The following DSCAM variants were observed in gnomAD, a reference collection of about 807,000 sequenced individuals.
DSCAM encodes DS cell adhesion molecule.
DSCAM carries 47 observed loss-of-function variants against 217.7 expected under a neutral mutation model. That is an observed-to-expected ratio of 0.22 (90% CI 0.17 to 0.28). DSCAM has a LOEUF of 0.28. DSCAM is among the 10% of genes least tolerant of loss of function. The probability of loss-of-function intolerance (pLI) is 1.00; values close to 1 mark genes in which losing one functional copy is unlikely to be tolerated. For synonymous variants in DSCAM, 1,056 were observed against 1,015.3 expected (o/e 1.04, Z -0.76); for missense variants, 2,080 against 2,618.3 (o/e 0.79, Z 4.49).
chr21:40,363,849 C>T (rs967786737), intron 4 of DSCAM, among the ~76,000 whole-genome samples: 1 of 152,072 alleles, frequency 6.6e-6, no homozygotes, highest in African/African-American at 2.4e-5. Flanking sequence ...CAAACAACAC[C>T]ATCAACAAGT....
At chr21:40,606,927 A>C (rs2010911) in intron 3 of DSCAM, among the ~76,000 whole-genome samples, 141,745 of 152,274 alleles carry the variant, frequency 0.93, 66,083 homozygotes, top group African/African-American at 0.98. Context: ...AGTTTCCCTG[A>C]ACAAGCTCTG....
chr21:40,545,100 T>C (rs1159234566), intron 3 of DSCAM, among the ~76,000 whole-genome samples: 1 of 152,128 alleles, frequency 6.6e-6, no homozygotes, highest in African/African-American at 2.4e-5. Context: ...AGTGCCCTTA[T>C]GAAAAGACAT....
intron 20 of DSCAM, among the ~76,000 whole-genome samples, chr21:40,095,117 G>C (rs970700046): frequency 6.6e-6 from 1 of 152,228 alleles, no homozygotes; most frequent in Non-Finnish European, 1.5e-5. Flanking sequence ...AAGGTGAAAG[G>C]CATGTCTTAC....
intron 3 of DSCAM, among the ~76,000 whole-genome samples, chr21:40,514,862 G>A (rs1384202768): frequency 6.6e-6 from 1 of 152,160 alleles, no homozygotes; most frequent in African/African-American, 2.4e-5. Flanking sequence ...TTGATTTAGA[G>A]TATAAAGATG....
At chr21:40,570,686 G>T (rs1010626627) in intron 3 of DSCAM, among the ~76,000 whole-genome samples, 3 of 152,144 alleles carry the variant, frequency 2.0e-5, no homozygotes, top group African/African-American at 4.8e-5. Context: ...GGAAGCAAAC[G>T]GTGAAAGCAA....
At chr21:40,470,563 G>A (rs1048037290) in intron 3 of DSCAM, among the ~76,000 whole-genome samples, 1 of 152,122 alleles carries the variant, frequency 6.6e-6, no homozygotes, top group Non-Finnish European at 1.5e-5. Flanking sequence ...TTGTTTATTA[G>A]GTTTTTGAGA....
rs527273281 is a variant in DSCAM at position 40,465,835 on chromosome 21, A to G, written c.509-96590T>C. ...TCTTGAAATACTTGAGAAAGCAACA[A>G]TGACCCCTTGTTCTGACAACTTGTT... On this transcript the variant is annotated intron_variant, in intron 3 of 32. Transcript: ENST00000400454. Among the ~76,000 whole-genome samples the G allele has an allele frequency of 6.6e-5, 10 of 152,202 alleles. No individual in the cohort carries two copies. The South Asian group carries it at 2.1e-3, about 32-fold the overall frequency.
Position 40,670,481 on chromosome 21 carries a change from T to C in DSCAM, c.508+22329A>G, listed in dbSNP as rs1439461063. Among the ~76,000 whole-genome samples, 4 of 145,776 alleles carry C rather than the reference T, an allele frequency of 2.7e-5. No homozygotes were observed. In the South Asian group the frequency reaches 8.7e-4, roughly 32 times the overall value. On this transcript the variant is annotated intron_variant, in intron 3 of 32. Coordinates refer to ENST00000400454, the MANE Select transcript of DSCAM (RefSeq NM_001389.5). ...TGAACCCGGGAGGCGGAGGTTGCAGTGAGCCGAGATCGCGCCATTGCACTC... is the reference window on the plus strand; with the variant it reads ...TGAACCCGGGAGGCGGAGGTTGCAGCGAGCCGAGATCGCGCCATTGCACTC...
At chr21:40,539,718 G>A (rs2076528921) in intron 3 of DSCAM, among the ~76,000 whole-genome samples, 1 of 151,966 alleles carries the variant, frequency 6.6e-6, no homozygotes, top group Non-Finnish European at 1.5e-5. Flanking sequence ...GATGAGAAGG[G>A]ATATTATGAT....
intron 16 of DSCAM, among the ~76,000 whole-genome samples, chr21:40,147,323 C>T (rs556284016): frequency 6.6e-6 from 1 of 152,314 alleles, no homozygotes; most frequent in South Asian, 2.1e-4. Context: ...GGGGATTAAT[C>T]CTGCCTGTGA....
intron 8 of DSCAM, among the ~76,000 whole-genome samples, chr21:40,329,288 G>A (rs2074350049): frequency 6.6e-6 from 1 of 152,064 alleles, no homozygotes; most frequent in African/African-American, 2.4e-5. Flanking sequence ...GCAGATGAAT[G>A]GATTAAAAAA....
chr21:40,296,046 A>G lies in DSCAM; in HGVS notation c.2182+9T>C. ...TGACAGGTAACAAGTAGATCAAGTA[A>G]CTCCATACCTTTAGAGAATTTCCAC... On this transcript the variant is annotated intron_variant, in intron 10 of 32. Transcript: ENST00000400454. The G allele has an allele frequency of 6.2e-7, 1 of 1,610,346 alleles. No homozygotes were observed. Among genetic ancestry groups the G allele is most frequent in the Non-Finnish European group, 8.5e-7 (1 of 1,178,766 alleles).
intron 3 of DSCAM, among the ~76,000 whole-genome samples, chr21:40,379,506 T>G (rs2074999486): frequency 6.6e-6 from 1 of 152,226 alleles, no homozygotes; most frequent in Non-Finnish European, 1.5e-5. Flanking sequence ...TTCACCCTGG[T>G]CTTTGTATTC....
intron 11 of DSCAM, among the ~76,000 whole-genome samples, chr21:40,195,871 C>T (rs2091002133): frequency 6.6e-6 from 1 of 152,136 alleles, no homozygotes; most frequent in South Asian, 2.1e-4. Context: ...AAATTTCAAA[C>T]ATACAGGAAG....
At chr21:40,364,893 C>A (rs2074814983) in intron 4 of DSCAM, among the ~76,000 whole-genome samples, 1 of 149,512 alleles carries the variant, frequency 6.7e-6, no homozygotes, top group Admixed American at 6.7e-5. Flanking sequence ...AAATGCCTTA[C>A]ATTTTTGTTA....
rs534324716 is a variant in DSCAM at position 40,454,651 on chromosome 21, C to T, written c.509-85406G>A. Among the ~76,000 whole-genome samples, 5 of 152,260 alleles carry T rather than the reference C, an allele frequency of 3.3e-5. 1 individual carries two copies. Among genetic ancestry groups the T allele is most frequent in the East Asian group, 3.9e-4 (2 of 5,186 alleles). On this transcript the variant is annotated intron_variant, in intron 3 of 32. Transcript: ENST00000400454. ...AGTGATTTCCGTACATGCAAATCAC[C>T]TTCCCAAATCAAGGGAAATCAAATG...
intron 3 of DSCAM, among the ~76,000 whole-genome samples, chr21:40,464,623 T>C (rs1469799782): frequency 6.6e-6 from 1 of 152,206 alleles, no homozygotes; most frequent in African/African-American, 2.4e-5. Context: ...TTTTAAAATA[T>C]ATCCGACTTC....
intron 11 of DSCAM, among the ~76,000 whole-genome samples, chr21:40,256,404 C>G (rs373428890): frequency 0.03 from 4,506 of 147,768 alleles, 216 homozygotes; most frequent in African/African-American, 0.11. Flanking sequence ...GAGAGACAGA[C>G]AGAGAGAGAG....
At position 40,827,767 on chromosome 21, in the gene DSCAM, C is replaced by T. The variant is rs141422279; in HGVS notation, c.43+18852G>A. Among the ~76,000 whole-genome samples the T allele has an allele frequency of 3.3e-3, 497 of 152,208 alleles. 2 individuals carry two copies. The highest frequency in any genetic ancestry group is 0.011 in the African/African-American group (469 of 41,526). On this transcript the variant is annotated intron_variant, in intron 1 of 32. Transcript: ENST00000400454. ...CAGTGGGCTCCATTCTCAGGAAGGG[C>T]GGTACAGGCAACTTTGTGTATCGTT...
Sources: gnomAD v4.1 joint callset for allele counts (sites outside exome capture counted in the v4.1 genomes callset) on GRCh38, gnomAD v4.1.1 for gene constraint, MANE v1.5 for transcripts, NCBI Gene and HGNC (gene_info 2026-07-23, HGNC 2026-07-21) for gene names.